The following TET1 variants were observed in gnomAD, a reference collection of about 807,000 sequenced individuals.
TET1 encodes methylcytosine dioxygenase TET1.
Under a neutral mutation model 148.7 loss-of-function variants are expected in TET1, and 13 were observed. That is an observed-to-expected ratio of 0.09 (90% CI 0.06 to 0.14). The LOEUF (loss-of-function observed/expected upper bound fraction) is 0.14. TET1 is among the 10% of genes least tolerant of loss of function. TET1 has a pLI of 1.00. For synonymous variants in TET1, 907 were observed against 937.2 expected, an observed-to-expected ratio of 0.97 and a Z score of 0.59; for missense variants, 2,182 against 2,553.8, an observed-to-expected ratio of 0.85 and a Z score of 3.14.
chr10:68,595,919 CATATATATATAT>C (rs374124558), intron 2 of TET1, among the ~76,000 whole-genome samples: 17 of 34,530 alleles, frequency 4.9e-4, no homozygotes, highest in East Asian at 2.6e-3. Context: ...CCAGCCAAAA[CATATATATATAT>C]ATATATATAT....
chr10:68,635,117 T>G (rs10998352), intron 3 of TET1, among the ~76,000 whole-genome samples: 72,465 of 150,040 alleles, frequency 0.48, 18,670 homozygotes, highest in Non-Finnish European at 0.58. Flanking sequence ...AATATATATA[T>G]TTTTTCCAAT....
intron 1 of TET1, among the ~76,000 whole-genome samples, chr10:68,570,277 G>T (rs1000267855): frequency 6.6e-6 from 1 of 151,574 alleles, no homozygotes; most frequent in Non-Finnish European, 1.5e-5. Flanking sequence ...GCTAATTTTT[G>T]TATTTTTGGT....
chr10:68,608,470 C>T (rs1256953660), intron 3 of TET1, among the ~76,000 whole-genome samples: 1 of 152,046 alleles, frequency 6.6e-6, no homozygotes, highest in Non-Finnish European at 1.5e-5. Context: ...CTCCTGACCT[C>T]GTGATCTACC....
chr10:68,669,606 G>A lies in TET1; in HGVS notation c.4673+2350G>A, dbSNP rs185791426. Among the ~76,000 whole-genome samples the A allele has an allele frequency of 4.1e-3, 607 of 149,680 alleles. 5 individuals carry two copies. The highest frequency in any genetic ancestry group is 6.5e-3 in the Non-Finnish European group (438 of 67,552). On this transcript the variant is annotated intron_variant, in intron 7 of 11. Coordinates refer to ENST00000373644, the MANE Select transcript of TET1 (RefSeq NM_030625.3). ...CCTGACCTCGTGATTCGCCCACCTC[G>A]GCCTCCCAAAGTGCTGGGATTACAG...
rs184103116 is a variant in TET1 at position 68,625,106 on chromosome 10, G to A, written c.1969-19592G>A. ...CCCTTTTAGTAGCCTGTAGTTATTG[G>A]TCTCATTTATTATTGGCCCAACACT... is the stretch of plus-strand genomic sequence containing the variant. On this transcript the variant is annotated intron_variant, in intron 3 of 11. Transcript: ENST00000373644. Among the ~76,000 whole-genome samples, 167 of 152,092 alleles carry A rather than the reference G, an allele frequency of 1.1e-3. 1 individual carries two copies. Among genetic ancestry groups the A allele is most frequent in the Admixed American group, 6.2e-3 (95 of 15,258 alleles).
At chr10:68,624,418 T>C (rs181007902) in intron 3 of TET1, among the ~76,000 whole-genome samples, 246 of 152,104 alleles carry the variant, frequency 1.6e-3, no homozygotes, top group African/African-American at 5.7e-3. Flanking sequence ...GCCTTCCGAG[T>C]AGCTGGGATT....
At chr10:68,650,602 G>A (rs1053451446) in intron 4 of TET1, among the ~76,000 whole-genome samples, 1 of 152,002 alleles carries the variant, frequency 6.6e-6, no homozygotes, top group East Asian at 1.9e-4. Context: ...CTGTGCTCCA[G>A]CCTGGGCAAC....
chr10:68,580,782 C>CAAAAAAAA (rs71483915), intron 2 of TET1, among the ~76,000 whole-genome samples: 1 of 95,320 alleles, frequency 1.0e-5, no homozygotes, highest in Non-Finnish European at 2.0e-5. Context: ...AACTCCATCT[C>CAAAAAAAA]AAAAAAAAAA....
rs554891919 is a variant in TET1, at chr10:68,624,587, C to A, written c.1969-20111C>A. 2.4e-3 allele frequency among the ~76,000 whole-genome samples: 353 copies of A among 149,354 alleles called. 13 individuals are homozygous for A. Among genetic ancestry groups the A allele is most frequent in the Non-Finnish European group, 6.5e-4 (44 of 67,434 alleles). ...TACAGGCGTGAGCCACCGTGCCTGG[C>A]CTTATTTTCTTTTTCTCTTTCTTTC... On this transcript the variant is annotated intron_variant, in intron 3 of 11. Transcript: ENST00000373644.
chr10:68,649,605 CAAAA>C (rs557761071), intron 4 of TET1, among the ~76,000 whole-genome samples: 3 of 80,254 alleles, frequency 3.7e-5, no homozygotes, highest in Admixed American at 1.3e-4. Flanking sequence ...GACTCTGTCT[CAAAA>C]AAAAAAAAAA....
chr10:68,654,238 C>T lies in TET1; in HGVS notation c.4461+1644C>T, dbSNP rs115256791. 1.8e-3 allele frequency among the ~76,000 whole-genome samples: 275 copies of T among 151,916 alleles called. 1 individual carries two copies. The highest frequency in any genetic ancestry group is 6.3e-3 in the African/African-American group (261 of 41,422). On this transcript the variant is annotated intron_variant, in intron 6 of 11. Coordinates refer to ENST00000373644, the MANE Select transcript of TET1 (RefSeq NM_030625.3). Reference sequence around the variant, plus strand: ...AGAGGATAAGCAGGAAGTAGCATTCCTAAGCAGAGAAAACAGCAAGAACAA... The same window carrying T: ...AGAGGATAAGCAGGAAGTAGCATTCTTAAGCAGAGAAAACAGCAAGAACAA...
At chr10:68,613,483 G>T (rs190842326) in intron 3 of TET1, among the ~76,000 whole-genome samples, 10 of 152,240 alleles carry the variant, frequency 6.6e-5, no homozygotes, top group African/African-American at 2.2e-4. Context: ...AAAAAATAAT[G>T]TAATTGGGTA....
At chr10:68,565,464 T>A (rs1312199889) in intron 1 of TET1, among the ~76,000 whole-genome samples, 1 of 107,984 alleles carries the variant, frequency 9.3e-6, no homozygotes, top group African/African-American at 3.4e-5. Context: ...AGACCCTGTT[T>A]AAAAAAAAAA....
chr10:68,683,705 C>G (rs943506915), intron 10 of TET1, among the ~76,000 whole-genome samples: 10 of 152,220 alleles, frequency 6.6e-5, no homozygotes, highest in African/African-American at 2.2e-4. Flanking sequence ...AGCCAACGCG[C>G]TCGGCCAATT....
At chr10:68,596,633 A>G (rs2053992428) in intron 2 of TET1, among the ~76,000 whole-genome samples, 1 of 152,174 alleles carries the variant, frequency 6.6e-6, no homozygotes. Flanking sequence ...AAACTCGCCC[A>G]GAGCTCAGAC....
chr10:68,639,457 C>CTAT lies in TET1; in HGVS notation c.1969-5239_1969-5238insTTA, dbSNP rs1420408017. On this transcript the variant is annotated intron_variant, in intron 3 of 11. Coordinates refer to ENST00000373644, the MANE Select transcript of TET1 (RefSeq NM_030625.3). ...ATTACTATTATTATTACTACTACTACTACTACTACTATTATTATTATTATT... is the reference window on the plus strand; with the variant it reads ...ATTACTATTATTATTACTACTACTACTATTACTACTACTATTATTATTATTATT... Among the ~76,000 whole-genome samples the CTAT allele has an allele frequency of 5.5e-4, 79 of 143,154 alleles. 1 individual carries two copies. The highest frequency in any genetic ancestry group is 1.8e-3 in the African/African-American group (68 of 38,796). 93.9% of individuals were successfully genotyped at this position (143,154 alleles called of 152,430 possible). A position where few individuals can be genotyped will look rare whatever the true frequency, so the allele number is the denominator to read the frequency against.
At chr10:68,572,175 T>C (rs1337074821) in intron 1 of TET1, 42 bp from the exon 2 acceptor site, 6 of 597,282 alleles carry the variant, frequency 1.0e-5, no homozygotes, top group East Asian at 5.7e-5. Context: ...GGGGAATGCA[T>C]AGGAAAAAGA....
intron 10 of TET1, among the ~76,000 whole-genome samples, chr10:68,684,754 C>G (rs778793367): frequency 4.6e-5 from 7 of 152,176 alleles, no homozygotes; most frequent in Non-Finnish European, 1.0e-4. Flanking sequence ...ACCATAATTT[C>G]TATTTTTTTT....
At chr10:68,624,604 CTT>C (rs888192350) in intron 3 of TET1, among the ~76,000 whole-genome samples, 3 of 20,628 alleles carry the variant, frequency 1.5e-4, no homozygotes, top group African/African-American at 2.6e-4. Context: ...TTCTTTTTCT[CTT>C]TCTTTCTTTC....
Sources: gnomAD v4.1 joint callset for allele counts (sites outside exome capture counted in the v4.1 genomes callset) on GRCh38, gnomAD v4.1.1 for gene constraint, MANE v1.5 for transcripts, NCBI Gene and HGNC (gene_info 2026-07-23, HGNC 2026-07-21) for gene names.